The following CRTAC1 variants were observed in gnomAD, a reference collection of about 807,000 sequenced individuals.
CRTAC1 encodes the protein acidic secreted protein in cartilage.
A neutral mutation model predicts 67.8 loss-of-function variants in CRTAC1; 37 were observed. The ratio of observed to expected loss-of-function variants is 0.55; its 90% CI spans 0.42 to 0.72. CRTAC1 has a LOEUF of 0.72. Ranked by LOEUF, CRTAC1 falls within the 30% of genes least tolerant of loss-of-function variation. CRTAC1 has a pLI of 0.00. For synonymous variants in CRTAC1, 348 were observed against 371.0 expected (o/e 0.94, Z 0.71); for missense variants, 780 against 931.6 (o/e 0.84, Z 2.12).
rs2050440736 is a variant in CRTAC1 at position 97,895,296 on chromosome 10, C to T, written c.1435G>A (p.Gly479Arg). Residue 479 changes from glycine (G) to arginine (R), a missense_variant, in exon 11 of 15, where the codon GGG (glycine) becomes AGG (arginine). Gly to Arg is a moderately radical substitution (Grantham distance 125). Transcript: ENST00000370597. The surrounding 1 kb of genome is among the most constrained non-coding windows in gnomAD (Gnocchi z 4.2). The stretch of plus-strand genomic sequence containing the variant: ...ATCTCACACAGGTAGCCTGAGCCCC[C>T]GTCGATGATCCTCAGGTGGGCCCCA... The part of the protein sequence containing the change: ...KSGAHLRIID[G>R]GSGYLCEMEP... The T allele has an allele frequency of 2.5e-6, 4 of 1,613,640 alleles. No homozygotes were observed. Among genetic ancestry groups the T allele is most frequent in the Non-Finnish European group, 3.4e-6 (4 of 1,180,002 alleles).
chr10:97,940,202 T>C (rs2136618918), intron 2 of CRTAC1, among the ~76,000 whole-genome samples: 1 of 152,332 alleles, frequency 6.6e-6, no homozygotes, highest in East Asian at 1.9e-4. Context: ...ACATGGGTCT[T>C]ATTAACACCC....
At chr10:97,913,574 T>C (rs1295580598) in intron 5 of CRTAC1, among the ~76,000 whole-genome samples, 6 of 152,160 alleles carry the variant, frequency 3.9e-5, no homozygotes, top group Non-Finnish European at 5.9e-5. Flanking sequence ...CTATAACATA[T>C]CTGTGTTTGT....
At chr10:97,979,580 G>C (rs899648422) in intron 2 of CRTAC1, among the ~76,000 whole-genome samples, 3 of 152,194 alleles carry the variant, frequency 2.0e-5, no homozygotes, top group Non-Finnish European at 4.4e-5. Context: ...CAGTTGGTGG[G>C]CACTGAGTGA....
intron 1 of CRTAC1, among the ~76,000 whole-genome samples, chr10:98,023,024 G>A (rs537286569): frequency 2.6e-5 from 4 of 152,246 alleles, no homozygotes; most frequent in Non-Finnish European, 5.9e-5. Context: ...ATATATATTT[G>A]TGATTCACTT....
At chr10:97,983,743 C>T (rs2051935057) in intron 2 of CRTAC1, among the ~76,000 whole-genome samples, 2 of 152,214 alleles carry the variant, frequency 1.3e-5, no homozygotes, top group African/African-American at 4.8e-5. Flanking sequence ...TCATCTATTC[C>T]TCTGGCCTAT....
At chr10:97,953,606 T>A (rs531498330) in intron 2 of CRTAC1, among the ~76,000 whole-genome samples, 196 of 152,298 alleles carry the variant, frequency 1.3e-3, no homozygotes, top group Middle Eastern at 6.8e-3. Context: ...TCTGCGTCTG[T>A]AGTTGCATAG....
chr10:97,952,696 C>T (rs1392828302), intron 2 of CRTAC1, among the ~76,000 whole-genome samples: 2 of 152,242 alleles, frequency 1.3e-5, no homozygotes, highest in Non-Finnish European at 2.9e-5. Flanking sequence ...CCTGGTCCTT[C>T]CAATCTCATC....
In CRTAC1 at chr10:97,901,512, C is replaced by T. The variant is rs770267639; in HGVS notation, c.1124G>A (p.Arg375His). 41 of 1,614,116 alleles carry T rather than the reference C, an allele frequency of 2.5e-5. No individual in the cohort carries two copies. In the Middle Eastern group the frequency reaches 4.9e-4, roughly 19 times the overall value. ...NIAYRSSSAN[R>H]LFRVIRREHG... ...AGGATGGAGCATCTACCGGAAGAGG[C>T]GGTTGGCTGAGGAGCTGCGGTAGGC... is the stretch of plus-strand genomic sequence containing the variant. The change falls in exon 8 of 15, where the codon CGC becomes CAC. Residue 375 changes from arginine to histidine, a missense_variant. Arg to His is a conservative substitution (Grantham distance 29, BLOSUM62 0). Coordinates refer to ENST00000370597, the MANE Select transcript of CRTAC1 (RefSeq NM_018058.7).
intron 2 of CRTAC1, among the ~76,000 whole-genome samples, chr10:97,973,636 C>T (rs2051750686): frequency 6.6e-6 from 1 of 152,160 alleles, no homozygotes; most frequent in Admixed American, 6.5e-5. Context: ...GAACGCTTCC[C>T]AGCCCTTATG....
chr10:97,940,403 TGGA>T (rs1389877601), intron 2 of CRTAC1, among the ~76,000 whole-genome samples: 3 of 152,250 alleles, frequency 2.0e-5, no homozygotes, highest in Non-Finnish European at 4.4e-5. Flanking sequence ...AGCTAAATTC[TGGA>T]GGCTTCAAAG....
At chr10:97,921,746 G>A (rs1281875600) in intron 4 of CRTAC1, among the ~76,000 whole-genome samples, 2 of 152,118 alleles carry the variant, frequency 1.3e-5, no homozygotes, top group African/African-American at 4.8e-5. Context: ...TGGCCAAGGT[G>A]GTGGCTGGAC....
chr10:97,915,455 C>T (rs2050745121), intron 5 of CRTAC1, among the ~76,000 whole-genome samples: 1 of 152,344 alleles, frequency 6.6e-6, no homozygotes, highest in East Asian at 1.9e-4. Context: ...CCTCCCAGCT[C>T]CCTGAGTGCA....
At chr10:97,885,307 C>T (rs2050267516) in intron 11 of CRTAC1, among the ~76,000 whole-genome samples, 1 of 152,058 alleles carries the variant, frequency 6.6e-6, no homozygotes, top group East Asian at 1.9e-4. Context: ...CAAGGCCAGC[C>T]TGGGCAACAT....
At chr10:97,990,835 T>C (rs1375736719) in intron 2 of CRTAC1, among the ~76,000 whole-genome samples, 2 of 152,186 alleles carry the variant, frequency 1.3e-5, no homozygotes, top group Non-Finnish European at 2.9e-5. Flanking sequence ...AGGTGAGACA[T>C]TGATTCATAG....
At chr10:97,999,194 G>A (rs143296306) in intron 2 of CRTAC1, among the ~76,000 whole-genome samples, 7 of 152,216 alleles carry the variant, frequency 4.6e-5, no homozygotes, top group Non-Finnish European at 8.8e-5. Flanking sequence ...GGACTCCCAC[G>A]CAGGGGAGAA....
intron 2 of CRTAC1, among the ~76,000 whole-genome samples, chr10:97,987,438 T>C (rs1408716107): frequency 6.6e-6 from 1 of 152,196 alleles, no homozygotes; most frequent in Non-Finnish European, 1.5e-5. Context: ...TGGATCTCAA[T>C]AGGTTTCAAA....
chr10:97,976,374 G>A lies in CRTAC1; in HGVS notation c.224+34764C>T, dbSNP rs528061398. Among the ~76,000 whole-genome samples, 4 of 152,334 alleles carry A rather than the reference G, an allele frequency of 2.6e-5. No individual in the cohort carries two copies. The South Asian group carries it at 6.2e-4, about 24-fold the overall frequency. On this transcript the variant is annotated intron_variant, in intron 2 of 14. Transcript: ENST00000370597. ...TCAAATCCCAGCTCCCCATAGGGTAGTATTTGGCCTGAGGCAGGTTTCCTG... is the reference window on the plus strand; with the variant it reads ...TCAAATCCCAGCTCCCCATAGGGTAATATTTGGCCTGAGGCAGGTTTCCTG...
chr10:98,025,459 G>A (rs1478680492), intron 1 of CRTAC1, among the ~76,000 whole-genome samples: 1 of 152,186 alleles, frequency 6.6e-6, no homozygotes, highest in Non-Finnish European at 1.5e-5. Flanking sequence ...AAAATCATGA[G>A]TGGTTCAGGG....
At chr10:97,866,015 C>G (rs2050019287) in intron 14 of CRTAC1, 1 of 374,030 alleles carries the variant, frequency 2.7e-6, no homozygotes, top group African/African-American at 2.0e-5. Context: ...GGCGGCCCCT[C>G]TCTTCCACAG....
Sources: gnomAD v4.1 joint callset for allele counts (sites outside exome capture counted in the v4.1 genomes callset) on GRCh38, gnomAD v4.1.1 for gene constraint, Gnocchi (gnomAD v3.1) non-coding constraint, MANE v1.5 for transcripts, NCBI Gene and HGNC (gene_info 2026-07-23, HGNC 2026-07-21) for gene names.